INSC: variants seen among roughly 807,000 people sequenced by gnomAD.
INSC encodes the protein INSC spindle orientation adaptor protein, also known as protein inscuteable homolog.
Under a neutral mutation model 58.6 loss-of-function variants are expected in INSC, and 67 were observed. That is an observed-to-expected ratio of 1.14 (90% CI 0.94 to 1.40). The LOEUF (loss-of-function observed/expected upper bound fraction) is 1.40, where lower values mean the gene tolerates loss of function less well. INSC is among the 40% of genes most tolerant of loss of function. The probability of loss-of-function intolerance (pLI) is 0.00; values close to 1 mark genes in which losing one functional copy is unlikely to be tolerated. For synonymous variants in INSC, 262 were observed against 276.1 expected (o/e 0.95, Z 0.51); for missense variants, 714 against 692.0 (o/e 1.03, Z -0.36).
At chr11:15,132,067 AT>A (rs1848138372) in intron 1 of INSC, among the ~76,000 whole-genome samples, 1 of 151,810 alleles carries the variant, frequency 6.6e-6, no homozygotes, top group African/African-American at 2.4e-5. Context: ...GTTGGAGGGA[AT>A]TTTCTCTTTC....
At chr11:15,232,058 C>A (rs1851945837) in intron 9 of INSC, among the ~76,000 whole-genome samples, 1 of 152,242 alleles carries the variant, frequency 6.6e-6, no homozygotes, top group African/African-American at 2.4e-5. Context: ...CCCCTGCTAT[C>A]CTTGATCAAT....
At chr11:15,151,508 T>C (rs34251262) in intron 2 of INSC, among the ~76,000 whole-genome samples, 57,263 of 151,846 alleles carry the variant, frequency 0.38, 11,075 homozygotes, top group Middle Eastern at 0.41. Flanking sequence ...GTGAAGGGGG[T>C]CAGAGACGAG....
At chr11:15,179,254 A>G (rs902625441) in intron 5 of INSC, among the ~76,000 whole-genome samples, 3 of 152,146 alleles carry the variant, frequency 2.0e-5, no homozygotes, top group African/African-American at 7.2e-5. Context: ...AATACATGTT[A>G]TTTCCCTCCC....
chr11:15,116,053 G>A (rs1403181042), intron 1 of INSC, among the ~76,000 whole-genome samples: 1 of 152,160 alleles, frequency 6.6e-6, no homozygotes, highest in African/African-American at 2.4e-5. Context: ...TGGTGCCTTT[G>A]AGGGGTTCCA....
Position 15,190,734 on chromosome 11 carries a change from A to G in INSC, c.613A>G (p.Ile205Val). 6.2e-7 allele frequency: 1 copy of G among 1,613,964 alleles called. No individual in the cohort carries two copies. Among genetic ancestry groups the G allele is most frequent in the Non-Finnish European group, 8.5e-7 (1 of 1,179,846 alleles). The change falls in exon 6 of 13, where the codon ATC (isoleucine) becomes GTC (valine). Residue 205 changes from isoleucine (I) to valine (V), a missense_variant. Coordinates refer to ENST00000379556, the MANE Select transcript of INSC (RefSeq NM_001042536.3). ...GAGAAAAATTGATGCCTCAGACAAT[A>G]TCTACACCACAGAGTCCACCACAGG... ...LVRKIDASDN[I>V]YTTESTTGNL...
At chr11:15,249,794 ACTCT>A (rs1852631314), downstream of INSC, among the ~76,000 whole-genome samples, 1 of 151,736 alleles carries the variant, frequency 6.6e-6, no homozygotes, top group Non-Finnish European at 1.5e-5. Context: ...CACCCTGCTG[ACTCT>A]CTACCTACAC....
At chr11:15,257,180 C>T in the INSC span, among the ~76,000 whole-genome samples, 1 of 152,074 alleles carries the variant, frequency 6.6e-6, no homozygotes, top group African/African-American at 2.4e-5. Flanking sequence ...GCAAGGATAA[C>T]AGAGAGCTCA....
intron 6 of INSC, among the ~76,000 whole-genome samples, chr11:15,199,785 G>A (rs557478410): frequency 6.6e-6 from 1 of 152,262 alleles, no homozygotes; most frequent in Non-Finnish European, 1.5e-5. Flanking sequence ...GCCAACCCTA[G>A]GCACCCTGCC....
At chr11:15,133,501 G>T (rs565482149) in intron 1 of INSC, among the ~76,000 whole-genome samples, 1 of 152,280 alleles carries the variant, frequency 6.6e-6, no homozygotes, top group Admixed American at 6.5e-5. Context: ...CCATATTGTG[G>T]TCATTAATTC....
In INSC at chr11:15,176,071, G is replaced by T; in HGVS notation, c.387G>T (p.Leu129Phe). The T allele has an allele frequency of 6.5e-7, 1 of 1,527,724 alleles. No individual in the cohort carries two copies. The highest frequency in any genetic ancestry group is 1.2e-5 in the South Asian group (1 of 82,158). 94.6% of individuals were successfully genotyped at this position (1,527,724 alleles called of 1,614,324 possible). Residue 129 changes from leucine to phenylalanine, a missense_variant, in exon 3 of 13, where the codon TTG (leucine) becomes TTT (phenylalanine). By Grantham distance (22) the Leu-to-Phe change is conservative. Transcript: ENST00000379556. ...SEYSAVSRNS[L>F]KEMGEIEKLL... ...ACAGTGCTGTCAGCAGGAACTCCTT[G>T]AAGGAAATGGGCGAGGTCAGCTGCC... is the stretch of plus-strand genomic sequence containing the variant.
At chr11:15,172,199 G>A (rs555725944) in intron 2 of INSC, among the ~76,000 whole-genome samples, 1 of 152,308 alleles carries the variant, frequency 6.6e-6, no homozygotes, top group Non-Finnish European at 1.5e-5. Flanking sequence ...TTGTTCATTT[G>A]TTGCCTCTTA....
chr11:15,223,631 G>T (rs1336483304), intron 8 of INSC, among the ~76,000 whole-genome samples: 2 of 152,192 alleles, frequency 1.3e-5, no homozygotes, highest in Non-Finnish European at 2.9e-5. Flanking sequence ...ATGAGAATGA[G>T]GGGGAGTGTT....
Position 15,200,822 on chromosome 11 carries a change from A to T in INSC, c.694-2A>T, listed in dbSNP as rs1428397094. On this transcript the variant is annotated splice_acceptor_variant, in intron 6 of 12. Transcript: ENST00000379556. LOFTEE classifies it high-confidence loss of function. ...TGATGTGACATTTCTTTCTCTTGGC[A>T]GGAGGGTGGGGTCGTAGCACTCTTC... The T allele has an allele frequency of 1.2e-6, 2 of 1,614,042 alleles. No homozygotes were observed.
intron 7 of INSC, among the ~76,000 whole-genome samples, chr11:15,204,640 C>T (rs1436203196): frequency 6.6e-6 from 1 of 152,206 alleles, no homozygotes; most frequent in Non-Finnish European, 1.5e-5. Context: ...GTAGAAACCA[C>T]AGAGTGACAG....
At chr11:15,181,307 C>T (rs74982540) in intron 5 of INSC, among the ~76,000 whole-genome samples, 5,487 of 152,276 alleles carry the variant, frequency 0.036, 369 homozygotes, top group East Asian at 0.32. Context: ...TATTAAAGCA[C>T]CTATTTACTT....
Position 15,221,558 on chromosome 11 carries a change from G to T in INSC, c.901G>T (p.Val301Leu). The change falls in exon 8 of 13, where the codon GTG becomes TTG. Residue 301 changes from valine (V) to leucine (L), a missense_variant. Transcript: ENST00000379556. ...EATRAEAAAV[V>L]AQVTSPHLPV... ...CACACGGGCTGAGGCTGCGGCTGTG[G>T]TGGCCCAGGTCACCTCCCCACACCT... 2 of 1,614,028 alleles carry T rather than the reference G, an allele frequency of 1.2e-6. No individual in the cohort carries two copies. Among genetic ancestry groups the T allele is most frequent in the Non-Finnish European group, 1.7e-6 (2 of 1,179,978 alleles).
chr11:15,235,165 C>T lies in INSC; in HGVS notation c.1171-437C>T, dbSNP rs117664421. On this transcript the variant is annotated intron_variant, in intron 9 of 12. Transcript: ENST00000379556. ...TTGAAAGTAGGTGAGGGTTAGTATCCAGGAAAGAAGCTTGGATGGAAGAAG... is the reference window on the plus strand; with the variant it reads ...TTGAAAGTAGGTGAGGGTTAGTATCTAGGAAAGAAGCTTGGATGGAAGAAG... 5.3e-4 allele frequency: 121 copies of T among 228,834 alleles called. 1 individual carries two copies. In the East Asian group the frequency reaches 9.7e-3, roughly 18 times the overall value. The allele number at this position is 228,834 out of a possible 1,614,324, so 14.2% of individuals were successfully genotyped here. A position where few individuals can be genotyped will look rare whatever the true frequency, so the allele number is the denominator to read the frequency against.
At chr11:15,179,544 G>A (rs1679816388) in intron 5 of INSC, among the ~76,000 whole-genome samples, 1 of 152,150 alleles carries the variant, frequency 6.6e-6, no homozygotes, top group Admixed American at 6.5e-5. Context: ...TGACATGCTG[G>A]TCCTGCCTCA....
intron 1 of INSC, among the ~76,000 whole-genome samples, chr11:15,122,470 G>T (rs1847896804): frequency 6.6e-6 from 1 of 152,194 alleles, no homozygotes; most frequent in South Asian, 2.1e-4. Flanking sequence ...CCAGTTTGAT[G>T]CCTCAAAGGC....
Sources: allele counts gnomAD v4.1 joint callset (sites outside exome capture counted in the v4.1 genomes callset), GRCh38; gene constraint gnomAD v4.1.1; transcripts MANE v1.5; gene names NCBI Gene and HGNC (gene_info 2026-07-23, HGNC 2026-07-21).